Variants in LDB2 observed in about 807,000 individuals in gnomAD.
LDB2 encodes the protein LIM domain-binding protein 2.
A neutral mutation model predicts 44.3 loss-of-function variants in LDB2; 12 were observed. That is an observed-to-expected ratio of 0.27 (90% CI 0.17 to 0.44). The LOEUF (loss-of-function observed/expected upper bound fraction) is 0.44, where lower values mean the gene tolerates loss of function less well. LDB2 is among the 20% of genes least tolerant of loss of function. The pLI, the probability that LDB2 is intolerant of heterozygous loss-of-function variation, is 1.00. For missense variants in LDB2, 344 were observed against 473.5 expected, an observed-to-expected ratio of 0.73 and a Z score of 2.54; for synonymous variants, 164 against 174.8, an observed-to-expected ratio of 0.94 and a Z score of 0.49.
At chr4:16,593,984 A>T (rs1720000483) in intron 3 of LDB2, among the ~76,000 whole-genome samples, 1 of 152,200 alleles carries the variant, frequency 6.6e-6, no homozygotes, top group African/African-American at 2.4e-5. Context: ...GAAATTGAGT[A>T]AATATATAAA....
At chr4:16,654,866 C>T (rs1739343478) in intron 2 of LDB2, among the ~76,000 whole-genome samples, 1 of 152,152 alleles carries the variant, frequency 6.6e-6, no homozygotes, top group South Asian at 2.1e-4. Flanking sequence ...ACGTTAACTT[C>T]CCTTCAATTT....
intron 2 of LDB2, among the ~76,000 whole-genome samples, chr4:16,719,928 T>C (rs1255381791): frequency 6.6e-6 from 1 of 152,034 alleles, no homozygotes; most frequent in Non-Finnish European, 1.5e-5. Context: ...CTAAACAACT[T>C]GAAGCAAAAA....
intron 1 of LDB2, among the ~76,000 whole-genome samples, chr4:16,849,841 C>T (rs1787828003): frequency 1.3e-5 from 2 of 152,192 alleles, no homozygotes; most frequent in Non-Finnish European, 2.9e-5. Context: ...CAGCTCTTAG[C>T]CTTACACCTG....
At chr4:16,782,710 G>A (rs1773563231) in intron 1 of LDB2, among the ~76,000 whole-genome samples, 1 of 152,130 alleles carries the variant, frequency 6.6e-6, no homozygotes, top group African/African-American at 2.4e-5. Context: ...AAGCAAGTTA[G>A]CATTTTATTT....
chr4:16,644,858 C>G (rs1422961366), intron 2 of LDB2, among the ~76,000 whole-genome samples: 2 of 152,168 alleles, frequency 1.3e-5, no homozygotes, highest in Non-Finnish European at 2.9e-5. Context: ...ATATTCAGGT[C>G]AAGTAGCTTT....
At chr4:16,676,865 G>A (rs1746462290) in intron 2 of LDB2, among the ~76,000 whole-genome samples, 1 of 152,204 alleles carries the variant, frequency 6.6e-6, no homozygotes. Context: ...CATTGAAGAT[G>A]AGTAAGATTT....
intron 1 of LDB2, among the ~76,000 whole-genome samples, chr4:16,892,798 A>G (rs944757385): frequency 1.3e-5 from 2 of 152,182 alleles, no homozygotes; most frequent in African/African-American, 4.8e-5. Context: ...CTGGACCCCA[A>G]ACAAAAAGCT....
At chr4:16,877,845 T>C (rs1402221289) in intron 1 of LDB2, among the ~76,000 whole-genome samples, 3 of 152,150 alleles carry the variant, frequency 2.0e-5, no homozygotes, top group Non-Finnish European at 4.4e-5. Context: ...GATAAAACTA[T>C]AATGCCATAT....
chr4:16,708,814 T>G (rs1755211626), intron 2 of LDB2, among the ~76,000 whole-genome samples: 2 of 151,912 alleles, frequency 1.3e-5, no homozygotes, highest in Non-Finnish European at 2.9e-5. Context: ...GAGCTATCTT[T>G]CCCCCAACAC....
chr4:16,683,072 A>G (rs1379288390), intron 2 of LDB2, among the ~76,000 whole-genome samples: 2 of 152,334 alleles, frequency 1.3e-5, no homozygotes, highest in East Asian at 3.9e-4. Context: ...CCCACTTGGG[A>G]GCTTTCTATC....
chr4:16,644,110 T>C (rs1735969464), intron 2 of LDB2, among the ~76,000 whole-genome samples: 1 of 152,212 alleles, frequency 6.6e-6, no homozygotes, highest in Non-Finnish European at 1.5e-5. Context: ...CCCATCCATT[T>C]GGAATGCCAT....
chr4:16,528,624 T>C (rs561178643), intron 5 of LDB2, among the ~76,000 whole-genome samples: 1 of 152,322 alleles, frequency 6.6e-6, no homozygotes, highest in Admixed American at 6.5e-5. Flanking sequence ...GCACACAAGC[T>C]GGGAGGGCAG....
chr4:16,853,399 T>C (rs1212720368), intron 1 of LDB2, among the ~76,000 whole-genome samples: 1 of 152,178 alleles, frequency 6.6e-6, no homozygotes, highest in African/African-American at 2.4e-5. Context: ...ACATTATTAA[T>C]AGCAGAGAAA....
intron 1 of LDB2, among the ~76,000 whole-genome samples, chr4:16,819,887 T>G (rs1005559825): frequency 6.6e-6 from 1 of 152,154 alleles, no homozygotes; most frequent in Non-Finnish European, 1.5e-5. Context: ...CAACATAAAT[T>G]GCGGATGACC....
At chr4:16,572,185 T>A (rs1746780866) in intron 5 of LDB2, among the ~76,000 whole-genome samples, 1 of 152,166 alleles carries the variant, frequency 6.6e-6, no homozygotes, top group Non-Finnish European at 1.5e-5. Context: ...TTCAAACAAC[T>A]CCCTTCATGC....
chr4:16,592,432 C>G (rs1719335541), intron 3 of LDB2, among the ~76,000 whole-genome samples: 1 of 140,980 alleles, frequency 7.1e-6, no homozygotes. Flanking sequence ...AGTGGTACTG[C>G]ATATGTAAAC....
At chr4:16,882,104 C>T (rs550715254) in intron 1 of LDB2, among the ~76,000 whole-genome samples, 8 of 152,192 alleles carry the variant, frequency 5.3e-5, no homozygotes, top group Non-Finnish European at 1.2e-4. Flanking sequence ...AACCTCTGTC[C>T]TCGCTGCTCT....
intron 5 of LDB2, among the ~76,000 whole-genome samples, chr4:16,562,957 A>G (rs1339518788): frequency 2.0e-5 from 3 of 152,102 alleles, no homozygotes; most frequent in Non-Finnish European, 4.4e-5. Flanking sequence ...TCAGTAAACT[A>G]TCGCAAGGAC....
chr4:16,597,337 CTAGA>C (rs1347626268), intron 2 of LDB2, among the ~76,000 whole-genome samples: 1 of 152,030 alleles, frequency 6.6e-6, no homozygotes, highest in Non-Finnish European at 1.5e-5. Flanking sequence ...TGATTCCATC[CTAGA>C]TAATCTTTCT....
Sources: gnomAD v4.1 joint callset for allele counts (sites outside exome capture counted in the v4.1 genomes callset) on GRCh38, gnomAD v4.1.1 for gene constraint, MANE v1.5 for transcripts, NCBI Gene and HGNC (gene_info 2026-07-23, HGNC 2026-07-21) for gene names.